Variants in ABI2 observed in about 807,000 individuals in gnomAD.
The protein encoded by ABI2 is abl interactor 2, also known as abelson interactor 2.
ABI2 carries 25 observed loss-of-function variants against 59.2 expected under a neutral mutation model. The ratio of observed to expected loss-of-function variants is 0.42; its 90% CI spans 0.31 to 0.59. The LOEUF is 0.59. Ranked by LOEUF, ABI2 falls within the 20% of genes least tolerant of loss-of-function variation. The probability of loss-of-function intolerance (pLI) is 0.14; values close to 1 mark genes in which losing one functional copy is unlikely to be tolerated. For synonymous variants in ABI2, 213 were observed against 235.5 expected (o/e 0.90, Z 0.87); for missense variants, 545 against 681.8 (o/e 0.80, Z 2.23).
At chr2:203,419,769 A>G (rs1382034649) in intron 11 of ABI2, among the ~76,000 whole-genome samples, 5 of 151,916 alleles carry the variant, frequency 3.3e-5, no homozygotes, top group Admixed American at 6.6e-5. Flanking sequence ...CGGGCCGAAC[A>G]CCTGAGGTTG....
Position 203,356,478 on chromosome 2 carries a change from C to T in ABI2, c.118-10399C>T, listed in dbSNP as rs909918967. The stretch of plus-strand genomic sequence containing the variant: ...CTTCCTCTCAGGTTTGAGCAATTCT[C>T]CTGCCTCAGCCTCCCGAGTAGCTGG... On this transcript the variant is annotated intron_variant, in intron 1 of 11. Transcript: ENST00000261018. 3.9e-5 allele frequency among the ~76,000 whole-genome samples: 6 copies of T among 152,282 alleles called. No individual in the cohort carries two copies. In the East Asian group the frequency reaches 5.8e-4, roughly 15 times the overall value.
Position 203,431,154 on chromosome 2 carries a change from C to T in ABI2, c.*3802C>T, listed in dbSNP as rs1231082570. ...TTGGTGTTAAGGTGGTAATTTCCCC[C>T]ATATAAGATTTAGAATCACTGAGTT... is the stretch of plus-strand genomic sequence containing the variant. On this transcript the variant is annotated 3_prime_UTR_variant, in exon 12 of 12. Coordinates refer to ENST00000261018, the MANE Select transcript of ABI2 (RefSeq NM_001375670.1). 1 of 152,316 alleles carries T rather than the reference C, an allele frequency of 6.6e-6. No homozygotes were observed. Among genetic ancestry groups the T allele is most frequent in the African/African-American group, 2.4e-5 (1 of 41,412 alleles). 9.4% of individuals were successfully genotyped at this position (152,316 alleles called of 1,614,324 possible).
intron 9 of ABI2, 71 bp downstream of exon 9, chr2:203,402,805 T>A: frequency 1.5e-6 from 2 of 1,321,960 alleles, no homozygotes; most frequent in Non-Finnish European, 1.0e-6. Context: ...AAAAAACCCT[T>A]AATTACAAAT....
intron 4 of ABI2, 72 bp downstream of exon 4, chr2:203,382,278 ATTG>A: frequency 7.9e-7 from 1 of 1,266,868 alleles, no homozygotes; most frequent in Non-Finnish European, 1.1e-6. Flanking sequence ...AGTTAAAGAG[ATTG>A]TTAACTCTTG....
At chr2:203,394,412 G>T in intron 5 of ABI2, 1 of 313,654 alleles carries the variant, frequency 3.2e-6, no homozygotes. Context: ...TAGGGTCTGG[G>T]AAACATTGGC....
chr2:203,335,487 A>G (rs1575607276), intron 1 of ABI2, among the ~76,000 whole-genome samples: 1 of 151,946 alleles, frequency 6.6e-6, no homozygotes, highest in Non-Finnish European at 1.5e-5. Context: ...GTCTTGGAAC[A>G]CCTGGGCTCA....
intron 4 of ABI2, among the ~76,000 whole-genome samples, chr2:203,389,589 TATG>T (rs1172892257): frequency 6.6e-6 from 1 of 152,232 alleles, no homozygotes; most frequent in East Asian, 1.9e-4. Flanking sequence ...ATTTCAATGG[TATG>T]ATGTCTTGCA....
At chr2:203,332,433 T>C (rs2074247553) in intron 1 of ABI2, among the ~76,000 whole-genome samples, 1 of 152,092 alleles carries the variant, frequency 6.6e-6, no homozygotes, top group South Asian at 2.1e-4. Flanking sequence ...CAGACCATCC[T>C]GGCCAACATG....
intron 1 of ABI2, among the ~76,000 whole-genome samples, chr2:203,354,352 T>C (rs1178893312): frequency 6.6e-6 from 1 of 152,168 alleles, no homozygotes; most frequent in East Asian, 1.9e-4. Flanking sequence ...CCAATTAGAC[T>C]TCTTAAATTT....
intron 8 of ABI2, among the ~76,000 whole-genome samples, chr2:203,399,756 C>T (rs1346379759): frequency 1.3e-5 from 2 of 151,992 alleles, no homozygotes; most frequent in Non-Finnish European, 2.9e-5. Flanking sequence ...CTCAGGTGAT[C>T]CGCCCGCCTC....
intron 2 of ABI2, among the ~76,000 whole-genome samples, chr2:203,369,249 G>A (rs190368787): frequency 1.3e-4 from 19 of 151,834 alleles, no homozygotes; most frequent in Middle Eastern, 3.4e-3. Context: ...CATTAGCAAA[G>A]GATGTTAAAA....
chr2:203,350,608 C>T (rs895726153), intron 1 of ABI2, among the ~76,000 whole-genome samples: 5 of 150,390 alleles, frequency 3.3e-5, no homozygotes, highest in Non-Finnish European at 5.9e-5. Flanking sequence ...GGCGTGATCT[C>T]GGCTCACTGC....
intron 2 of ABI2, chr2:203,374,902 A>G (rs1480465459): frequency 4.5e-6 from 2 of 449,390 alleles, no homozygotes; most frequent in South Asian, 1.6e-5. Flanking sequence ...GTAATGGGAA[A>G]TGACAATGCA....
chr2:203,334,940 G>A (rs1283330858), intron 1 of ABI2, among the ~76,000 whole-genome samples: 1 of 152,048 alleles, frequency 6.6e-6, no homozygotes, highest in Non-Finnish European at 1.5e-5. Flanking sequence ...GGATTACAGC[G>A]TAAGCCACCG....
chr2:203,345,960 A>T (rs2083208809), intron 1 of ABI2, among the ~76,000 whole-genome samples: 1 of 151,746 alleles, frequency 6.6e-6, no homozygotes, highest in South Asian at 2.1e-4. Flanking sequence ...CGGGCAAATC[A>T]CCTGAGATCA....
intron 1 of ABI2, among the ~76,000 whole-genome samples, chr2:203,364,273 TA>T (rs2094029392): frequency 6.6e-6 from 1 of 152,008 alleles, no homozygotes; most frequent in African/African-American, 2.4e-5. Context: ...TTTGTATTTT[TA>T]GTAGAGACGG....
intron 4 of ABI2, among the ~76,000 whole-genome samples, chr2:203,389,699 A>G (rs1003122715): frequency 6.6e-6 from 1 of 152,208 alleles, no homozygotes; most frequent in African/African-American, 2.4e-5. Flanking sequence ...TGGAAATTCA[A>G]AATATTAGGG....
intron 2 of ABI2, chr2:203,375,941 C>G: frequency 1.5e-6 from 1 of 670,304 alleles, no homozygotes; most frequent in South Asian, 2.2e-5. Context: ...GGCAATACTG[C>G]AGTTCAACCC....
chr2:203,373,273 C>G (rs2095426921), intron 2 of ABI2, among the ~76,000 whole-genome samples: 1 of 152,222 alleles, frequency 6.6e-6, no homozygotes, highest in Non-Finnish European at 1.5e-5. Flanking sequence ...CCAGCCCGGC[C>G]AACACAGCGA....
Sources: allele counts gnomAD v4.1 joint callset (sites outside exome capture counted in the v4.1 genomes callset), GRCh38; gene constraint gnomAD v4.1.1; transcripts MANE v1.5; gene names NCBI Gene and HGNC (gene_info 2026-07-23, HGNC 2026-07-21).